The following QTMAN variants were observed in gnomAD, a reference collection of about 807,000 sequenced individuals.
QTMAN encodes the protein queuosine-tRNA mannosyltransferase.
the QTMAN span, among the ~76,000 whole-genome samples, chr2:144,286,253 G>C: frequency 6.6e-6 from 1 of 152,146 alleles, no homozygotes; most frequent in Non-Finnish European, 1.5e-5. Context: ...CCAAATTAGA[G>C]ACTCATGAGC....
At chr2:144,091,988 T>C in the QTMAN span, among the ~76,000 whole-genome samples, 333 of 152,186 alleles carry the variant, frequency 2.2e-3, 1 homozygote, top group African/African-American at 7.6e-3. Flanking sequence ...AACTAACTGA[T>C]AGTGACAGAA....
chr2:144,308,499 A>C, the QTMAN span, among the ~76,000 whole-genome samples: 10 of 152,014 alleles, frequency 6.6e-5, no homozygotes, highest in African/African-American at 2.4e-4. Flanking sequence ...TTTCAAGGTA[A>C]TTCAAAGGAA....
At chr2:144,219,385 C>T in the QTMAN span, among the ~76,000 whole-genome samples, 12 of 152,152 alleles carry the variant, frequency 7.9e-5, no homozygotes, top group African/African-American at 2.9e-4. Context: ...CCCATCTCGG[C>T]CTCCCAAAGT....
chr2:144,025,647 T>C, the QTMAN span, among the ~76,000 whole-genome samples: 8,608 of 152,192 alleles, frequency 0.057, 409 homozygotes, highest in African/African-American at 0.13. Context: ...GATACGGTCT[T>C]ATCCATGACA....
At chr2:144,036,778 A>G in the QTMAN span, among the ~76,000 whole-genome samples, 1 of 152,160 alleles carries the variant, frequency 6.6e-6, no homozygotes, top group African/African-American at 2.4e-5. Context: ...TGCAACTTTA[A>G]GTGTCTCATT....
chr2:144,222,384 T>C, the QTMAN span, among the ~76,000 whole-genome samples: 4 of 151,720 alleles, frequency 2.6e-5, no homozygotes, highest in African/African-American at 7.2e-5. Context: ...AAACTTCAAG[T>C]AAAATGCCAA....
chr2:144,313,234 A>G, the QTMAN span, among the ~76,000 whole-genome samples: 1 of 152,152 alleles, frequency 6.6e-6, no homozygotes, highest in African/African-American at 2.4e-5. Flanking sequence ...AATTTCTCCT[A>G]TATGCGGGAA....
chr2:144,299,959 T>C, the QTMAN span, among the ~76,000 whole-genome samples: 4 of 152,252 alleles, frequency 2.6e-5, no homozygotes, highest in Non-Finnish European at 5.9e-5. Flanking sequence ...TTCTGACATA[T>C]GCTACAACAT....
the QTMAN span, among the ~76,000 whole-genome samples, chr2:144,218,939 C>CAAAAAAAAAAAAAA: frequency 5.8e-5 from 6 of 104,240 alleles, no homozygotes; most frequent in Admixed American, 9.2e-5. Context: ...AAAAAAAAAG[C>CAAAAAAAAAAAAAA]AAAATCCTAG....
the QTMAN span, among the ~76,000 whole-genome samples, chr2:144,126,849 AT>A: frequency 5.3e-5 from 8 of 152,020 alleles, no homozygotes; most frequent in South Asian, 1.7e-3. Flanking sequence ...TAAGGACTAT[AT>A]TTTTGAAGGG....
chr2:143,986,247 C>T, the QTMAN span, among the ~76,000 whole-genome samples: 36 of 152,260 alleles, frequency 2.4e-4, no homozygotes, highest in South Asian at 7.2e-3. Flanking sequence ...AAATTCAGGA[C>T]AACACAAAAA....
the QTMAN span, among the ~76,000 whole-genome samples, chr2:143,996,369 CA>C: frequency 1.3e-5 from 2 of 152,106 alleles, no homozygotes; most frequent in African/African-American, 2.4e-5. Flanking sequence ...GCAGCCACCC[CA>C]AGCAAACAGC....
the QTMAN span, among the ~76,000 whole-genome samples, chr2:144,108,470 T>C: frequency 1.3e-5 from 2 of 151,952 alleles, no homozygotes; most frequent in Admixed American, 1.3e-4. Flanking sequence ...AAACCCTGTC[T>C]CTACTAAAAA....
the QTMAN span, among the ~76,000 whole-genome samples, chr2:143,979,681 C>T: frequency 6.6e-6 from 1 of 152,166 alleles, no homozygotes; most frequent in Non-Finnish European, 1.5e-5. Flanking sequence ...TGCATTTTCA[C>T]CAAATATATA....
At chr2:144,088,685 G>A in the QTMAN span, among the ~76,000 whole-genome samples, 1 of 151,806 alleles carries the variant, frequency 6.6e-6, no homozygotes, top group South Asian at 2.1e-4. Flanking sequence ...TAGCCAACTG[G>A]TCTTCAACAA....
At chr2:144,265,476 T>A in the QTMAN span, among the ~76,000 whole-genome samples, 1 of 152,118 alleles carries the variant, frequency 6.6e-6, no homozygotes, top group Non-Finnish European at 1.5e-5. Context: ...GGGGGGCAGA[T>A]CACGAGGTCA....
chr2:144,155,168 A>G, the QTMAN span, among the ~76,000 whole-genome samples: 3 of 152,116 alleles, frequency 2.0e-5, no homozygotes, highest in Non-Finnish European at 4.4e-5. Context: ...GGGGTCCCTA[A>G]TAGTATTTCA....
chr2:144,234,077 T>C, the QTMAN span, among the ~76,000 whole-genome samples: 1 of 152,194 alleles, frequency 6.6e-6, no homozygotes, highest in Non-Finnish European at 1.5e-5. Context: ...TATTCTGACC[T>C]TGATTTCTCC....
chr2:143,960,734 T>C, the QTMAN span, among the ~76,000 whole-genome samples: 9 of 151,744 alleles, frequency 5.9e-5, no homozygotes, highest in Non-Finnish European at 1.2e-4. Context: ...ATCAGAACGG[T>C]GAGGAATAAA....
Sources: allele counts gnomAD v4.1 joint callset (sites outside exome capture counted in the v4.1 genomes callset), GRCh38; gene constraint gnomAD v4.1.1; transcripts MANE v1.5; gene names NCBI Gene and HGNC (gene_info 2026-07-23, HGNC 2026-07-21).